MYO1D: variants seen among roughly 807,000 people sequenced by gnomAD.
The protein encoded by MYO1D is unconventional myosin-Id.
MYO1D carries 83 observed loss-of-function variants against 122.0 expected under a neutral mutation model. The ratio of observed to expected loss-of-function variants is 0.68; its 90% CI spans 0.57 to 0.82. The LOEUF (loss-of-function observed/expected upper bound fraction) is 0.82, where lower values mean the gene tolerates loss of function less well. MYO1D is among the 40% of genes least tolerant of loss of function. The probability of loss-of-function intolerance (pLI) is 0.00; values close to 1 mark genes in which losing one functional copy is unlikely to be tolerated. For synonymous variants in MYO1D, 464 were observed against 446.9 expected (o/e 1.04, Z -0.48); for missense variants, 1,157 against 1,269.5 (o/e 0.91, Z 1.35).
chr17:32,789,028 G>A (rs1269286478), intron 1 of MYO1D, among the ~76,000 whole-genome samples: 2 of 151,540 alleles, frequency 1.3e-5, no homozygotes, highest in Non-Finnish European at 2.9e-5. Context: ...TTTAGCTGTT[G>A]TGAAAGGGAC....
At chr17:32,777,490 T>C (rs1598090568) in intron 3 of MYO1D, among the ~76,000 whole-genome samples, 3 of 152,186 alleles carry the variant, frequency 2.0e-5, no homozygotes, top group African/African-American at 2.4e-5. Context: ...GTGAGTCTTG[T>C]TGCTTTATAG....
At chr17:32,781,734 C>CA (rs35583086) in intron 1 of MYO1D, among the ~76,000 whole-genome samples, 56,565 of 108,410 alleles carry the variant, frequency 0.52, 12,279 homozygotes, top group East Asian at 0.73. Flanking sequence ...GGCCACAGGA[C>CA]AAAAAAAAAA....
intron 19 of MYO1D, among the ~76,000 whole-genome samples, chr17:32,647,725 G>T (rs1411268170): frequency 6.8e-6 from 1 of 146,490 alleles, no homozygotes. Context: ...TGTGAATCTG[G>T]TTAGCAAAAG....
chr17:32,608,926 A>T (rs2087664350), intron 20 of MYO1D, among the ~76,000 whole-genome samples: 2 of 152,222 alleles, frequency 1.3e-5, no homozygotes, highest in South Asian at 4.1e-4. Flanking sequence ...AGCCTGTGTG[A>T]CGCCATTTAT....
At chr17:32,847,363 C>T (rs564057752) in intron 1 of MYO1D, among the ~76,000 whole-genome samples, 8 of 152,274 alleles carry the variant, frequency 5.3e-5, no homozygotes, top group African/African-American at 1.7e-4. Flanking sequence ...ATAATTATAG[C>T]CCAGAGAAAA....
intron 1 of MYO1D, among the ~76,000 whole-genome samples, chr17:32,784,638 T>G (rs928559766): frequency 2.9e-4 from 44 of 152,234 alleles, no homozygotes; most frequent in African/African-American, 1.1e-3. Flanking sequence ...GGTATAATAA[T>G]GACATTGGCA....
chr17:32,494,793 C>G lies in MYO1D; in HGVS notation c.2987G>C (p.Arg996Pro). The G allele has an allele frequency of 2.5e-6, 4 of 1,612,022 alleles. No individual in the cohort carries two copies. Among genetic ancestry groups the G allele is most frequent in the Non-Finnish European group, 3.4e-6 (4 of 1,179,128 alleles). The change falls in exon 22 of 22, where the codon CGC becomes CCC. Residue 996 changes from arginine (R) to proline (P), a missense_variant. Transcript: ENST00000318217. ...NQPQPDFTKN[R>P]SGFILSVPGN is the part of the protein sequence containing the mutation. ...GGGCACGCTGAGGATGAAGCCCGAG[C>G]GATTCTTGGTGAAGTCGGGCTGGGG...
chr17:32,560,569 ATAT>A, intron 21 of MYO1D, among the ~76,000 whole-genome samples: 1 of 104,764 alleles, frequency 9.5e-6, no homozygotes, highest in East Asian at 3.2e-4. Context: ...ATATATATAT[ATAT>A]ATATAACTTT....
chr17:32,836,248 T>C (rs140867487), intron 1 of MYO1D, among the ~76,000 whole-genome samples: 43 of 152,282 alleles, frequency 2.8e-4, no homozygotes, highest in African/African-American at 1.0e-3. Context: ...ATCCTGCAAG[T>C]GTATTTGTGA....
intron 21 of MYO1D, among the ~76,000 whole-genome samples, chr17:32,528,228 G>T (rs1401712557): frequency 6.6e-6 from 1 of 152,166 alleles, no homozygotes; most frequent in Non-Finnish European, 1.5e-5. Context: ...AGTGGTTTTG[G>T]GGAAGAAGGT....
chr17:32,799,823 T>A (rs978526029), intron 1 of MYO1D, among the ~76,000 whole-genome samples: 1 of 152,086 alleles, frequency 6.6e-6, no homozygotes, highest in South Asian at 2.1e-4. Context: ...ATCCATAATA[T>A]ATAAGAAACT....
chr17:32,638,095 T>C (rs369844678), intron 20 of MYO1D, among the ~76,000 whole-genome samples: 14 of 152,218 alleles, frequency 9.2e-5, no homozygotes, highest in African/African-American at 3.4e-4. Context: ...TTCCGAAGAA[T>C]CAGAATAAAC....
intron 6 of MYO1D, among the ~76,000 whole-genome samples, chr17:32,770,648 A>C (rs777777229): frequency 1.3e-5 from 2 of 152,140 alleles, no homozygotes; most frequent in African/African-American, 2.4e-5. Flanking sequence ...AAAAACTTGA[A>C]AGCTGAATAG....
intron 1 of MYO1D, among the ~76,000 whole-genome samples, chr17:32,831,924 T>C (rs1281439913): frequency 6.6e-6 from 1 of 152,162 alleles, no homozygotes; most frequent in East Asian, 1.9e-4. Flanking sequence ...CTCCTAACTT[T>C]TCTAGGTGAG....
intron 1 of MYO1D, among the ~76,000 whole-genome samples, chr17:32,843,358 T>A (rs2090902661): frequency 6.6e-6 from 1 of 152,140 alleles, no homozygotes; most frequent in African/African-American, 2.4e-5. Context: ...CCACACTGAG[T>A]ATCCATAAAG....
At chr17:32,589,186 C>A (rs970755606) in intron 21 of MYO1D, among the ~76,000 whole-genome samples, 1 of 152,182 alleles carries the variant, frequency 6.6e-6, no homozygotes, top group Non-Finnish European at 1.5e-5. Flanking sequence ...ACAAGGTGGC[C>A]GGCCTCGTGG....
At chr17:32,850,643 C>G (rs556956953) in intron 1 of MYO1D, among the ~76,000 whole-genome samples, 1 of 152,308 alleles carries the variant, frequency 6.6e-6, no homozygotes, top group South Asian at 2.1e-4. Context: ...ACAGGAATAA[C>G]ACAGTAGAGT....
intron 21 of MYO1D, among the ~76,000 whole-genome samples, chr17:32,545,499 A>T (rs1365446807): frequency 6.6e-6 from 1 of 152,162 alleles, no homozygotes; most frequent in Non-Finnish European, 1.5e-5. Context: ...ACGTGAGAGG[A>T]GTGGAATACC....
intron 21 of MYO1D, among the ~76,000 whole-genome samples, chr17:32,507,628 TAAC>T (rs1354537114): frequency 6.6e-6 from 1 of 152,146 alleles, no homozygotes; most frequent in African/African-American, 2.4e-5. Flanking sequence ...AATAACAATA[TAAC>T]AATAGTACTA....
Sources: gnomAD v4.1 joint callset for allele counts (sites outside exome capture counted in the v4.1 genomes callset) on GRCh38, gnomAD v4.1.1 for gene constraint, MANE v1.5 for transcripts, NCBI Gene and HGNC (gene_info 2026-07-23, HGNC 2026-07-21) for gene names.